The following DIAPH3 variants were observed in gnomAD, a reference collection of about 807,000 sequenced individuals.
DIAPH3 encodes protein diaphanous homolog 3.
A neutral mutation model predicts 144.3 loss-of-function variants in DIAPH3; 117 were observed. That is an observed-to-expected ratio of 0.81 (90% CI 0.70 to 0.95). The LOEUF is 0.95. Among genes scored for constraint, DIAPH3 ranks in the 40% least tolerant of loss-of-function variants. DIAPH3 has a pLI of 0.00. For synonymous variants in DIAPH3, 519 were observed against 488.9 expected (o/e 1.06, Z -0.81); for missense variants, 1,421 against 1,412.7 (o/e 1.01, Z -0.09).
intron 20 of DIAPH3, among the ~76,000 whole-genome samples, chr13:59,904,040 A>T (rs1002509553): frequency 6.6e-6 from 1 of 152,238 alleles, no homozygotes; most frequent in Non-Finnish European, 1.5e-5. Flanking sequence ...CAAAGAGGAA[A>T]GATACTGAAT....
chr13:59,916,740 G>C (rs1722740882), intron 18 of DIAPH3, among the ~76,000 whole-genome samples: 1 of 152,126 alleles, frequency 6.6e-6, no homozygotes, highest in African/African-American at 2.4e-5. Flanking sequence ...ACTTTTACAA[G>C]TAATAGTAGC....
At chr13:59,778,393 G>A (rs886490115) in intron 25 of DIAPH3, among the ~76,000 whole-genome samples, 6 of 152,186 alleles carry the variant, frequency 3.9e-5, no homozygotes, top group East Asian at 1.9e-4. Flanking sequence ...CTGGCAAAAT[G>A]CGACTATTAT....
At chr13:59,907,688 G>A (rs2046807490) in intron 20 of DIAPH3, among the ~76,000 whole-genome samples, 1 of 152,180 alleles carries the variant, frequency 6.6e-6, no homozygotes, top group Admixed American at 6.5e-5. Flanking sequence ...ATGAGTGCAT[G>A]TCCAGTGACA....
intron 13 of DIAPH3, among the ~76,000 whole-genome samples, chr13:59,982,712 G>A (rs1289517470): frequency 1.3e-5 from 2 of 151,518 alleles, no homozygotes; most frequent in Non-Finnish European, 3.0e-5. Flanking sequence ...CAATTAACTT[G>A]TACTCTGTTA....
intron 21 of DIAPH3, among the ~76,000 whole-genome samples, chr13:59,870,933 G>C (rs1413859662): frequency 1.3e-5 from 2 of 151,440 alleles, no homozygotes; most frequent in Non-Finnish European, 2.9e-5. Flanking sequence ...GCCTCCCAAA[G>C]TGCTTGGATT....
intron 21 of DIAPH3, among the ~76,000 whole-genome samples, chr13:59,876,339 C>T (rs2044627898): frequency 6.6e-6 from 1 of 152,098 alleles, no homozygotes; most frequent in South Asian, 2.1e-4. Flanking sequence ...GTTTCTTCCA[C>T]AACAGAAGGC....
chr13:60,031,688 C>T (rs2762131), intron 5 of DIAPH3, among the ~76,000 whole-genome samples: 97,513 of 148,660 alleles, frequency 0.66, 32,478 homozygotes, highest in African/African-American at 0.74. Flanking sequence ...AAAGGGGCTA[C>T]AGGCCCTAAG....
chr13:60,051,451 C>T (rs886645840), intron 4 of DIAPH3, among the ~76,000 whole-genome samples: 1 of 152,148 alleles, frequency 6.6e-6, no homozygotes, highest in South Asian at 2.1e-4. Flanking sequence ...AAAACCCTGT[C>T]TCTATTAAAA....
chr13:59,671,446 T>A (rs866113165), intron 27 of DIAPH3, among the ~76,000 whole-genome samples: 1 of 152,232 alleles, frequency 6.6e-6, no homozygotes, highest in African/African-American at 2.4e-5. Flanking sequence ...GGATGATTAA[T>A]TCTTCAAGGT....
intron 1 of DIAPH3, among the ~76,000 whole-genome samples, chr13:60,157,395 C>T (rs2138451737): frequency 1.3e-5 from 2 of 152,270 alleles, no homozygotes; most frequent in African/African-American, 4.8e-5. Context: ...TTCTTGTTAG[C>T]CTTTTTCTTT....
At chr13:59,810,262 C>T (rs1471654330) in intron 25 of DIAPH3, among the ~76,000 whole-genome samples, 3 of 152,100 alleles carry the variant, frequency 2.0e-5, no homozygotes, top group Admixed American at 6.5e-5. Flanking sequence ...CAGGCTCAGG[C>T]GATCCTCCCA....
chr13:60,088,740 GCCT>G (rs756605049), intron 4 of DIAPH3, among the ~76,000 whole-genome samples: 282 of 152,238 alleles, frequency 1.9e-3, no homozygotes, highest in Non-Finnish European at 3.4e-3. Flanking sequence ...TCCTGCCTCA[GCCT>G]CCTGAATAGC....
chr13:59,786,051 G>C (rs2039015620), intron 25 of DIAPH3, among the ~76,000 whole-genome samples: 1 of 152,168 alleles, frequency 6.6e-6, no homozygotes, highest in Non-Finnish European at 1.5e-5. Context: ...AGGAGGCAGA[G>C]GTTGCAGTGA....
chr13:59,933,431 C>A (rs915289190), intron 17 of DIAPH3, among the ~76,000 whole-genome samples: 11 of 152,190 alleles, frequency 7.2e-5, no homozygotes, highest in African/African-American at 2.7e-4. Context: ...ATTTAGCATT[C>A]AAGAGTAAAG....
intron 18 of DIAPH3, among the ~76,000 whole-genome samples, chr13:59,920,761 A>G (rs1310588548): frequency 6.6e-6 from 1 of 151,836 alleles, no homozygotes; most frequent in Non-Finnish European, 1.5e-5. Context: ...TTTACAGAAC[A>G]TTTCATATAA....
chr13:59,974,525 A>T, intron 14 of DIAPH3, 69 bp from the exon 15 acceptor site: 1 of 1,288,718 alleles, frequency 7.8e-7, no homozygotes, highest in East Asian at 2.3e-5. Flanking sequence ...TTCTTATAGA[A>T]ATGTGACTCG....
chr13:60,116,496 C>G (rs1253083453), intron 2 of DIAPH3, among the ~76,000 whole-genome samples: 1 of 151,942 alleles, frequency 6.6e-6, no homozygotes, highest in African/African-American at 2.4e-5. Context: ...GGTTACCTAT[C>G]TCCCAAGTCA....
chr13:59,679,499 A>T (rs2032826213), intron 27 of DIAPH3, among the ~76,000 whole-genome samples: 1 of 152,176 alleles, frequency 6.6e-6, no homozygotes, highest in Middle Eastern at 3.2e-3. Context: ...TCTCTATGGT[A>T]ACACAAAACA....
At chr13:59,846,093 C>T (rs866784241) in intron 22 of DIAPH3, among the ~76,000 whole-genome samples, 11 of 152,040 alleles carry the variant, frequency 7.2e-5, no homozygotes, top group Non-Finnish European at 1.5e-4. Flanking sequence ...GTTAAAGAAG[C>T]TTTAGAGTAA....
Sources: gnomAD v4.1 joint callset for allele counts (sites outside exome capture counted in the v4.1 genomes callset) on GRCh38, gnomAD v4.1.1 for gene constraint, MANE v1.5 for transcripts, NCBI Gene and HGNC (gene_info 2026-07-23, HGNC 2026-07-21) for gene names.